Variants in AGBL4 observed in about 807,000 individuals in gnomAD.
AGBL4 encodes the protein AGBL carboxypeptidase 4.
AGBL4 carries 58 observed loss-of-function variants against 66.4 expected under a neutral mutation model. The observed-to-expected ratio is 0.87, with a 90% CI of 0.71 to 1.09. AGBL4 has a LOEUF of 1.09. Among genes scored for constraint, AGBL4 ranks in the 50% least tolerant of loss-of-function variants. AGBL4 has a pLI of 0.00. For synonymous variants in AGBL4, 234 were observed against 222.9 expected (o/e 1.05, Z -0.44); for missense variants, 579 against 631.0 (o/e 0.92, Z 0.88).
rs1392128227 is a variant in AGBL4 at position 48,582,630 on chromosome 1, A to G, written c.1267+4374T>C. Among the ~76,000 whole-genome samples, 6 of 152,372 alleles carry G rather than the reference A, an allele frequency of 3.9e-5. 1 individual carries two copies. In the South Asian group the frequency reaches 8.3e-4, roughly 21 times the overall value. On this transcript the variant is annotated intron_variant, in intron 11 of 13. Coordinates refer to ENST00000371839, the MANE Select transcript of AGBL4 (RefSeq NM_032785.4). ...CAAGTCAAGACAAGAACATTTGTTGAGTACCTACCAGATGCCAGGCAGTAC... is the reference window on the plus strand; with the variant it reads ...CAAGTCAAGACAAGAACATTTGTTGGGTACCTACCAGATGCCAGGCAGTAC...
rs544000468 is a variant in AGBL4, at chr1:49,743,651, C to G, written c.158-46214G>C. 2.0e-4 allele frequency among the ~76,000 whole-genome samples: 31 copies of G among 152,148 alleles called. No homozygotes were observed. The South Asian group carries it at 2.3e-3, about 11-fold the overall frequency. ...CACAATAGCAAAGACTTGGAACCAA[C>G]CCAAATGTCCAACAATGATAGACTG... On this transcript the variant is annotated intron_variant, in intron 2 of 13. Transcript: ENST00000371839.
intron 5 of AGBL4, among the ~76,000 whole-genome samples, chr1:48,932,233 T>G (rs964190276): frequency 6.6e-6 from 1 of 152,178 alleles, no homozygotes; most frequent in Non-Finnish European, 1.5e-5. Flanking sequence ...GCTTTGCAAG[T>G]TTAATTAAAC....
At chr1:49,832,806 T>C (rs897652060) in intron 2 of AGBL4, among the ~76,000 whole-genome samples, 1 of 152,202 alleles carries the variant, frequency 6.6e-6, no homozygotes, top group African/African-American at 2.4e-5. Flanking sequence ...TTTTGAGAAG[T>C]GTCTGTTCAT....
At chr1:48,527,741 T>C in the AGBL4 span, among the ~76,000 whole-genome samples, 7 of 152,040 alleles carry the variant, frequency 4.6e-5, no homozygotes, top group African/African-American at 1.7e-4. Context: ...AGAAGGATTT[T>C]CTTAGTTAAG....
chr1:49,509,636 A>T (rs1214650527), intron 3 of AGBL4, among the ~76,000 whole-genome samples: 1 of 152,002 alleles, frequency 6.6e-6, no homozygotes, highest in Non-Finnish European at 1.5e-5. Context: ...GTTTCTAAGC[A>T]GGAATATGAC....
chr1:49,479,942 C>T (rs957524141), intron 3 of AGBL4, among the ~76,000 whole-genome samples: 1 of 151,692 alleles, frequency 6.6e-6, no homozygotes, highest in Admixed American at 6.6e-5. Flanking sequence ...CTCCTGACCT[C>T]GTGATCCACC....
At chr1:48,531,223 C>G (rs1399241641), downstream of AGBL4, among the ~76,000 whole-genome samples, 2 of 151,948 alleles carry the variant, frequency 1.3e-5, no homozygotes, top group Non-Finnish European at 2.9e-5. Context: ...CTCTCTCTCT[C>G]TCAAGGAATG....
chr1:49,845,828 C>T (rs1646127905), intron 2 of AGBL4: 5 of 1,503,574 alleles, frequency 3.3e-6, no homozygotes, highest in South Asian at 2.3e-5. Flanking sequence ...GGAGAGAAGC[C>T]GTTCGACTGC....
chr1:48,994,705 G>A (rs1182500940), intron 5 of AGBL4, among the ~76,000 whole-genome samples: 1 of 152,068 alleles, frequency 6.6e-6, no homozygotes, highest in East Asian at 1.9e-4. Context: ...TTATGATGTT[G>A]AAATACTTTT....
At chr1:48,817,480 A>T (rs1646208348) in intron 6 of AGBL4, 1 of 152,332 alleles carries the variant, frequency 6.6e-6, no homozygotes, top group Admixed American at 6.5e-5. Flanking sequence ...GCTTATGGAG[A>T]GGATTCAATA....
rs1331879048 is a variant in AGBL4 at position 49,643,667 on chromosome 1, G to C, written c.282+53646C>G. ...TGAAAACAATGCAAGCTGAAACCAA[G>C]TGCAACAGTATCTTTAAAATACTGA... On this transcript the variant is annotated intron_variant, in intron 3 of 13. Coordinates refer to ENST00000371839, the MANE Select transcript of AGBL4 (RefSeq NM_032785.4). Among the ~76,000 whole-genome samples the C allele has an allele frequency of 3.3e-5, 5 of 151,616 alleles. No homozygotes were observed. The East Asian group carries it at 7.7e-4, about 23-fold the overall frequency.
chr1:49,900,398 AC>A (rs1325209358), intron 1 of AGBL4, among the ~76,000 whole-genome samples: 4 of 151,950 alleles, frequency 2.6e-5, no homozygotes, highest in African/African-American at 9.7e-5. Context: ...GGCATGCACC[AC>A]CACGCCAGGC....
At chr1:49,367,734 A>C (rs891555390) in intron 3 of AGBL4, among the ~76,000 whole-genome samples, 3 of 152,206 alleles carry the variant, frequency 2.0e-5, no homozygotes, top group African/African-American at 7.2e-5. Flanking sequence ...TTTCTTAATT[A>C]ATCACTTTTT....
At chr1:48,611,223 AC>A (rs920669631) in intron 9 of AGBL4, among the ~76,000 whole-genome samples, 2 of 152,214 alleles carry the variant, frequency 1.3e-5, no homozygotes, top group Admixed American at 6.5e-5. Context: ...GCAGAGGCCC[AC>A]ACCTCTGTGC....
At position 49,501,514 on chromosome 1, in the gene AGBL4, A is replaced by C. The variant is rs1648147514; in HGVS notation, c.282+195799T>G. Among the ~76,000 whole-genome samples the C allele has an allele frequency of 2.1e-5, 3 of 143,436 alleles. No individual in the cohort carries two copies. The South Asian group carries it at 6.8e-4, about 32-fold the overall frequency. The allele number at this position is 143,436 out of a possible 152,430, so 94.1% of individuals were successfully genotyped here. On this transcript the variant is annotated intron_variant, in intron 3 of 13. Transcript: ENST00000371839. ...AGTGGTAATGTCTTTTCTTTCATTTATAATTTTATTTGAGTCTTCTCCCTT... is the reference window on the plus strand; with the variant it reads ...AGTGGTAATGTCTTTTCTTTCATTTCTAATTTTATTTGAGTCTTCTCCCTT...
chr1:49,860,774 A>C (rs113656804), intron 1 of AGBL4, among the ~76,000 whole-genome samples: 40 of 150,954 alleles, frequency 2.6e-4, no homozygotes, highest in African/African-American at 1.7e-4. Context: ...CCAGCAAAAA[A>C]AAAAACAAAA....
intron 3 of AGBL4, among the ~76,000 whole-genome samples, chr1:49,587,955 A>G (rs2124048931): frequency 6.6e-6 from 1 of 152,202 alleles, no homozygotes; most frequent in East Asian, 1.9e-4. Context: ...ATCTTGCTAA[A>G]TTCTTAATCA....
intron 3 of AGBL4, among the ~76,000 whole-genome samples, chr1:49,406,455 A>T (rs747241315): frequency 6.6e-6 from 1 of 152,240 alleles, no homozygotes; most frequent in Admixed American, 6.5e-5. Context: ...TGTTCGTTGA[A>T]GCATTATTTA....
intron 2 of AGBL4, among the ~76,000 whole-genome samples, chr1:49,717,263 G>C (rs1648222629): frequency 6.6e-6 from 1 of 152,028 alleles, no homozygotes; most frequent in African/African-American, 2.4e-5. Context: ...TCAATATCGT[G>C]AAAATGGCCA....
Sources: gnomAD v4.1 joint callset for allele counts (sites outside exome capture counted in the v4.1 genomes callset) on GRCh38, gnomAD v4.1.1 for gene constraint, MANE v1.5 for transcripts, NCBI Gene and HGNC (gene_info 2026-07-23, HGNC 2026-07-21) for gene names.